PAICS: variants seen among roughly 807,000 people sequenced by gnomAD.
PAICS encodes the protein phosphoribosylaminoimidazole carboxylase and phosphoribosylaminoimidazolesuccinocarboxamide synthase.
PAICS carries 33 observed loss-of-function variants against 53.7 expected under a neutral mutation model. The observed-to-expected ratio is 0.61, with a 90% confidence interval of 0.47 to 0.82. The LOEUF (loss-of-function observed/expected upper bound fraction) is 0.82, where lower values mean the gene tolerates loss of function less well. PAICS is among the 40% of genes least tolerant of loss of function. PAICS has a pLI of 0.00. For synonymous variants in PAICS, 141 were observed against 167.2 expected (o/e 0.84, Z 1.21); for missense variants, 394 against 494.1 (o/e 0.80, Z 1.92).
At chr4:56,431,626 T>C (rs1018128964), upstream of PAICS, 1 of 504,890 alleles carries the variant, frequency 2.0e-6, no homozygotes, top group Non-Finnish European at 2.6e-6. Flanking sequence ...GAAGTGATAA[T>C]TCATTGAATG....
At chr4:56,438,121 C>T (rs1376556723) in intron 1 of PAICS, among the ~76,000 whole-genome samples, 1 of 151,852 alleles carries the variant, frequency 6.6e-6, no homozygotes, top group Non-Finnish European at 1.5e-5. Flanking sequence ...GTCTGAAATC[C>T]CTTTTCATTC....
intron 1 of PAICS, among the ~76,000 whole-genome samples, chr4:56,437,777 C>T (rs993978278): frequency 2.8e-5 from 4 of 141,646 alleles, no homozygotes; most frequent in African/African-American, 8.0e-5. Flanking sequence ...GCCGGGATCG[C>T]GCCACTGCAC....
intron 2 of PAICS, among the ~76,000 whole-genome samples, chr4:56,445,831 C>T (rs1206198931): frequency 2.0e-5 from 3 of 152,116 alleles, no homozygotes; most frequent in Non-Finnish European, 2.9e-5. Context: ...ATGTAGGTTT[C>T]CAGGAGATAT....
At chr4:56,435,204 C>G, upstream of PAICS, 2 of 1,227,782 alleles carry the variant, frequency 1.6e-6, no homozygotes, top group Non-Finnish European at 1.1e-6. Context: ...GCCTAGGCAA[C>G]CCGGTCGACG....
chr4:56,463,429 C>CA lies in PAICS; in HGVS notation c.*3892dup, dbSNP rs1269388253. On this transcript the variant is annotated 3_prime_UTR_variant, in exon 9 of 9. Transcript: ENST00000512576. Reference sequence around the variant, plus strand: ...GTACATGAGGCTGGGTGCAGTGGCTCACGCCTGTAATCCCAGCACTTTGGG... The same window carrying CA: ...GTACATGAGGCTGGGTGCAGTGGCTCAACGCCTGTAATCCCAGCACTTTGGG... The CA allele has an allele frequency of 3.3e-5, 5 of 151,868 alleles. No homozygotes were observed. The highest frequency in any genetic ancestry group is 1.2e-4 in the African/African-American group (5 of 41,232). 9.4% of individuals were successfully genotyped at this position (151,868 alleles called of 1,614,324 possible).
chr4:56,432,925 G>C (rs1325179279), upstream of PAICS, among the ~76,000 whole-genome samples: 1 of 151,266 alleles, frequency 6.6e-6, no homozygotes, highest in Non-Finnish European at 1.5e-5. Context: ...AGTGAAAACA[G>C]AGCTTTCTGC....
At chr4:56,424,384 G>A in the PAICS span, among the ~76,000 whole-genome samples, 42 of 152,156 alleles carry the variant, frequency 2.8e-4, no homozygotes, top group African/African-American at 8.0e-4. Flanking sequence ...ACTGGAAACC[G>A]TAGCTAGGTT....
chr4:56,438,373 ATAT>A (rs1371300818), intron 1 of PAICS, among the ~76,000 whole-genome samples: 41 of 56,746 alleles, frequency 7.2e-4, no homozygotes, highest in African/African-American at 3.9e-3. Flanking sequence ...CAATGTGTTT[ATAT>A]ATATATATAT....
chr4:56,431,660 C>G (rs1717591046), upstream of PAICS: 1 of 250,132 alleles, frequency 4.0e-6, no homozygotes, highest in South Asian at 1.5e-4. Context: ...ATCTCCTAAT[C>G]AAGGAAAGGC....
the PAICS span, among the ~76,000 whole-genome samples, chr4:56,429,633 G>T: frequency 5.3e-5 from 8 of 152,142 alleles, no homozygotes; most frequent in African/African-American, 1.9e-4. Context: ...AAATAATCCA[G>T]CTTTAATGCC....
At chr4:56,435,953 C>T (rs760196186), upstream of PAICS, 11 of 1,505,376 alleles carry the variant, frequency 7.3e-6, no homozygotes, top group South Asian at 4.5e-5. Context: ...CTGAGTCGCT[C>T]CCGCAGCCGA....
At chr4:56,416,660 T>C in the PAICS span, among the ~76,000 whole-genome samples, 1 of 152,196 alleles carries the variant, frequency 6.6e-6, no homozygotes, top group Admixed American at 6.5e-5. Flanking sequence ...ATTTCCGAAC[T>C]TTACTCTTTA....
At chr4:56,419,677 A>G in the PAICS span, 46 of 983,856 alleles carry the variant, frequency 4.7e-5, no homozygotes, top group Non-Finnish European at 5.6e-5. Flanking sequence ...GTAGCAAATG[A>G]AGGAGGAAAG....
chr4:56,419,274 T>C, the PAICS span, among the ~76,000 whole-genome samples: 11 of 152,326 alleles, frequency 7.2e-5, no homozygotes, highest in African/African-American at 2.6e-4. Flanking sequence ...CTGTTTTCTA[T>C]AGTAAATGCT....
At chr4:56,458,649 T>C (rs1363059006) in intron 8 of PAICS, among the ~76,000 whole-genome samples, 1 of 152,220 alleles carries the variant, frequency 6.6e-6, no homozygotes, top group Non-Finnish European at 1.5e-5. Context: ...TCTGTTCTTG[T>C]GGATAATGGG....
the PAICS span, among the ~76,000 whole-genome samples, chr4:56,430,449 T>G: frequency 1.3e-5 from 2 of 152,140 alleles, no homozygotes; most frequent in Admixed American, 1.3e-4. Context: ...AGGGACCACA[T>G]CTGCCCTGTA....
At chr4:56,430,173 C>T in the PAICS span, among the ~76,000 whole-genome samples, 1 of 152,248 alleles carries the variant, frequency 6.6e-6, no homozygotes, top group South Asian at 2.1e-4. Context: ...TCAGCTGTTT[C>T]CAGATTGGGG....
chr4:56,448,376 T>C lies in PAICS; in HGVS notation c.394-42T>C, dbSNP rs1283503057. On this transcript the variant is annotated intron_variant, in intron 3 of 8. Coordinates refer to ENST00000512576, the MANE Select transcript of PAICS (RefSeq NM_001079524.2). ...TTGGTTTTTCTGAAAAGTTTAAAAA[T>C]TTTAGATTGAAGTTAATTGTACTAC... The C allele has an allele frequency of 3.7e-6, 5 of 1,366,968 alleles. No individual in the cohort carries two copies. The South Asian group carries it at 4.9e-5, about 13-fold the overall frequency. 84.7% of individuals were successfully genotyped at this position (1,366,968 alleles called of 1,614,324 possible). A position where few individuals can be genotyped will look rare whatever the true frequency, so the allele number is the denominator to read the frequency against.
rs144785850 is a variant in PAICS, at chr4:56,459,524, G to A, written c.1264G>A (p.Glu422Lys). Residue 422 changes from glutamate (E) to lysine (K), a missense_variant, in exon 9 of 9, where the codon GAA becomes AAA. Glu to Lys is a moderately conservative substitution (Grantham distance 56). Around this residue, in one of 3 missense-constraint regions of PAICS, gnomAD observed 95 missense variants for 89.3 expected, o/e 1.06. Transcript: ENST00000512576. The part of the protein sequence containing the change: ...SLKQADKKIR[E>K]CNL ...GAAGCAGGCTGACAAGAAAATCAGA[G>A]AATGTAATTTATAAGAAAGAATGCC... is the stretch of plus-strand genomic sequence containing the variant. 35 of 1,554,666 alleles carry A rather than the reference G, an allele frequency of 2.3e-5. No homozygotes were observed. The African/African-American group carries it at 4.3e-4, about 19-fold the overall frequency.
Sources: allele counts gnomAD v4.1 joint callset (sites outside exome capture counted in the v4.1 genomes callset), GRCh38; gene constraint gnomAD v4.1.1; regional missense constraint gnomAD v4.1.1; transcripts MANE v1.5; gene names NCBI Gene and HGNC (gene_info 2026-07-23, HGNC 2026-07-21).